Variants in ADGRE3 observed in about 807,000 individuals in gnomAD.
The protein encoded by ADGRE3 is EGF-like module receptor 3.
In ADGRE3, 88 loss-of-function variants were observed where a neutral mutation model predicts 80.1. The observed-to-expected ratio is 1.10, with a 90% CI of 0.93 to 1.31. The LOEUF (loss-of-function observed/expected upper bound fraction) is 1.31, where lower values mean the gene tolerates loss of function less well. ADGRE3 is among the 40% of genes most tolerant of loss of function. The probability of loss-of-function intolerance (pLI) is 0.00; values close to 1 mark genes in which losing one functional copy is unlikely to be tolerated. For missense variants in ADGRE3, 715 were observed against 776.5 expected, an observed-to-expected ratio of 0.92 and a Z score of 0.94; for synonymous variants, 281 against 294.8, an observed-to-expected ratio of 0.95 and a Z score of 0.48.
At chr19:14,667,638 A>G (rs1351573119) in intron 2 of ADGRE3, among the ~76,000 whole-genome samples, 1 of 152,136 alleles carries the variant, frequency 6.6e-6, no homozygotes, top group African/African-American at 2.4e-5. Flanking sequence ...GGAGTTGAAC[A>G]ACGAGAACAT....
chr19:14,615,251 A>G (rs1248717606), downstream of ADGRE3, among the ~76,000 whole-genome samples: 1 of 109,724 alleles, frequency 9.1e-6, no homozygotes, highest in African/African-American at 3.6e-5. Context: ...TCTGTTGCCC[A>G]GGCTGGAGTG....
chr19:14,664,439 T>C (rs1232433305), intron 2 of ADGRE3, among the ~76,000 whole-genome samples: 1 of 152,090 alleles, frequency 6.6e-6, no homozygotes, highest in Non-Finnish European at 1.5e-5. Flanking sequence ...AGCACGCCTG[T>C]TGACATCTGT....
intron 2 of ADGRE3, among the ~76,000 whole-genome samples, chr19:14,666,922 C>T (rs528711829): frequency 3.0e-4 from 45 of 152,242 alleles, no homozygotes; most frequent in Non-Finnish European, 5.3e-4. Context: ...TAAATAGTGT[C>T]CTCCTAAAAT....
chr19:14,605,199 G>A, the ADGRE3 span, among the ~76,000 whole-genome samples: 1 of 152,038 alleles, frequency 6.6e-6, no homozygotes, highest in Admixed American at 6.6e-5. Context: ...CTGGTTTCAA[G>A]CAATTCTCCT....
rs113413697 is a variant in ADGRE3 at position 14,673,561 on chromosome 19, A to G, written c.25+1185T>C. ...AAAGATCTGGAGACAGATGGTTTGGATTCAAATCCCAGCTCTCTTATTTAC... is the reference window on the plus strand; with the variant it reads ...AAAGATCTGGAGACAGATGGTTTGGGTTCAAATCCCAGCTCTCTTATTTAC... On this transcript the variant is annotated intron_variant, in intron 1 of 15. Coordinates refer to ENST00000253673, the MANE Select transcript of ADGRE3 (RefSeq NM_032571.5). Among the ~76,000 whole-genome samples the G allele has an allele frequency of 9.8e-3, 1,500 of 152,316 alleles. 21 individuals carry two copies. Among genetic ancestry groups the G allele is most frequent in the African/African-American group, 0.035 (1,456 of 41,548 alleles).
At chr19:14,646,470 A>G (rs1383799888) in intron 8 of ADGRE3, among the ~76,000 whole-genome samples, 2 of 150,606 alleles carry the variant, frequency 1.3e-5, no homozygotes, top group Non-Finnish European at 1.5e-5. Flanking sequence ...TTATAATTGT[A>G]TATATTTATG....
intron 14 of ADGRE3, among the ~76,000 whole-genome samples, chr19:14,626,303 G>A (rs1970737753): frequency 6.6e-6 from 1 of 151,970 alleles, no homozygotes; most frequent in African/African-American, 2.4e-5. Flanking sequence ...TGGGAGTGGT[G>A]GCTCATGACT....
intron 8 of ADGRE3, among the ~76,000 whole-genome samples, chr19:14,646,076 A>G (rs1971390478): frequency 6.6e-6 from 1 of 152,262 alleles, no homozygotes; most frequent in South Asian, 2.1e-4. Context: ...ATTAATAAAT[A>G]TAATCAACAT....
intron 6 of ADGRE3, 88 bp from the exon 7 acceptor site, chr19:14,651,292 G>A: frequency 1.4e-6 from 2 of 1,443,616 alleles, no homozygotes; most frequent in Admixed American, 3.4e-5. Context: ...GTGCATGCCT[G>A]TAGTCCCAAC....
Position 14,621,027 on chromosome 19 carries a change from T to A in ADGRE3, c.1921-1556A>T, listed in dbSNP as rs117860968. Among the ~76,000 whole-genome samples, 401 of 149,364 alleles carry A rather than the reference T, an allele frequency of 2.7e-3. 16 individuals are homozygous for A. The East Asian group carries it at 0.072, about 27-fold the overall frequency. On this transcript the variant is annotated intron_variant, in intron 15 of 15. Transcript: ENST00000253673. ...ATAATTAAGCCTAATATTAATCAAA[T>A]TTTTTTTTTGAGACAGAGTTTCATT...
chr19:14,616,022 C>T (rs1161307754), downstream of ADGRE3, among the ~76,000 whole-genome samples: 1 of 151,562 alleles, frequency 6.6e-6, no homozygotes, highest in African/African-American at 2.4e-5. Flanking sequence ...ACCTCCGCCT[C>T]CCAGGTTCAA....
the ADGRE3 span, among the ~76,000 whole-genome samples, chr19:14,607,427 T>A: frequency 1.1e-4 from 17 of 151,654 alleles, no homozygotes; most frequent in East Asian, 3.3e-3. Flanking sequence ...ATGGTCTTGA[T>A]CTCCTGACCT....
Position 14,638,262 on chromosome 19 carries a change from G to C in ADGRE3, c.1327C>G (p.His443Asp). The C allele has an allele frequency of 6.2e-7, 1 of 1,614,148 alleles. No homozygotes were observed. The highest frequency in any genetic ancestry group is 8.5e-7 in the Non-Finnish European group (1 of 1,180,014). ...AFTWMLLEGV[H>D]LFLTARNLTV... ...AGGTTCCGTGCAGTGAGGAAGAGGT[G>C]CACACCCTCCAGCAGCATCCAGGTG... The change falls in exon 11 of 16, where the codon CAC (histidine) becomes GAC (aspartate). Residue 443 changes from histidine (H) to aspartate (D), a missense_variant. Coordinates refer to ENST00000253673, the MANE Select transcript of ADGRE3 (RefSeq NM_032571.5).
At chr19:14,616,224 C>A (rs2075074721), downstream of ADGRE3, among the ~76,000 whole-genome samples, 1 of 152,106 alleles carries the variant, frequency 6.6e-6, no homozygotes, top group Non-Finnish European at 1.5e-5. Flanking sequence ...CCCATCTCGG[C>A]CTTCCAAAGT....
At chr19:14,628,242 T>A (rs1455882327) in intron 14 of ADGRE3, among the ~76,000 whole-genome samples, 1 of 149,870 alleles carries the variant, frequency 6.7e-6, no homozygotes, top group Non-Finnish European at 1.5e-5. Flanking sequence ...GTGTTTTGCG[T>A]ATGCTCATGT....
chr19:14,646,169 C>T (rs1971392728), intron 8 of ADGRE3, among the ~76,000 whole-genome samples: 1 of 152,158 alleles, frequency 6.6e-6, no homozygotes, highest in Non-Finnish European at 1.5e-5. Context: ...TGTTGCCAGG[C>T]TGGAGTGCAG....
chr19:14,610,063 G>C, the ADGRE3 span: 3 of 1,612,806 alleles, frequency 1.9e-6, no homozygotes, highest in Admixed American at 5.0e-5. Flanking sequence ...CCTCCATCCA[G>C]CTTCTGGGAG....
At chr19:14,630,528 C>A (rs1056124161) in intron 13 of ADGRE3, among the ~76,000 whole-genome samples, 8 of 152,038 alleles carry the variant, frequency 5.3e-5, no homozygotes, top group Admixed American at 5.2e-4. Context: ...CCTGCCTCAG[C>A]CTCCCCAGTA....
chr19:14,633,723 T>A (rs137981332), intron 11 of ADGRE3, among the ~76,000 whole-genome samples: 4,886 of 127,080 alleles, frequency 0.038, 242 homozygotes, highest in East Asian at 0.063. Flanking sequence ...TAAAATAAAA[T>A]AAAATAAAAT....
Sources: allele counts gnomAD v4.1 joint callset (sites outside exome capture counted in the v4.1 genomes callset), GRCh38; gene constraint gnomAD v4.1.1; transcripts MANE v1.5; gene names NCBI Gene and HGNC (gene_info 2026-07-23, HGNC 2026-07-21).